The following HMMR variants were observed in gnomAD, a reference collection of about 807,000 sequenced individuals.
The protein encoded by HMMR is hyaluronan mediated motility receptor.
A neutral mutation model predicts 101.0 loss-of-function variants in HMMR; 108 were observed. That is an observed-to-expected ratio of 1.07 (90% CI 0.92 to 1.25). The LOEUF is 1.25. Among genes scored for constraint, HMMR ranks in the 50% most tolerant of loss-of-function variants. HMMR has a pLI of 0.00. For missense variants in HMMR, 813 were observed against 788.7 expected (o/e 1.03, Z -0.37); for synonymous variants, 296 against 276.4 (o/e 1.07, Z -0.70).
At chr5:163,487,101 A>G (rs1239127447) in intron 16 of HMMR, among the ~76,000 whole-genome samples, 2 of 152,360 alleles carry the variant, frequency 1.3e-5, no homozygotes, top group African/African-American at 4.8e-5. Context: ...GATGCTCTTT[A>G]TCAAGTTGAG....
Position 163,491,898 on chromosome 5 carries a change from T to C in HMMR, c.*734T>C, listed in dbSNP as rs527385022. ...TGTCTACTCAGCATTTGATTAACAT[T>C]TGTGTAATATGAAATAAAATTACAC... On this transcript the variant is annotated 3_prime_UTR_variant, in exon 18 of 18. Coordinates refer to ENST00000393915, the MANE Select transcript of HMMR (RefSeq NM_001142556.2). The C allele has an allele frequency of 2.0e-5, 3 of 152,368 alleles. No homozygotes were observed. The highest frequency in any genetic ancestry group is 7.2e-5 in the African/African-American group (3 of 41,578). The allele number at this position is 152,368 out of a possible 1,614,324, so 9.4% of individuals were successfully genotyped here.
At chr5:163,477,115 A>G (rs541450864) in intron 11 of HMMR, among the ~76,000 whole-genome samples, 3 of 152,272 alleles carry the variant, frequency 2.0e-5, no homozygotes, top group South Asian at 2.1e-4. Flanking sequence ...TCCTTCTCCC[A>G]TACACTTATT....
chr5:163,482,947 AAAG>A (rs1759323444), intron 13 of HMMR, 70 bp from the exon 14 acceptor site: 337 of 1,361,892 alleles, frequency 2.5e-4, no homozygotes, highest in Middle Eastern at 1.2e-3. Context: ...CTTGAGGTTT[AAAG>A]AAAAAAAAAG....
At chr5:163,476,962 C>T (rs1191928701) in intron 11 of HMMR, among the ~76,000 whole-genome samples, 1 of 152,036 alleles carries the variant, frequency 6.6e-6, no homozygotes, top group African/African-American at 2.4e-5. Flanking sequence ...ACCCAGGAGG[C>T]GGAGGTTGTG....
At position 163,467,560 on chromosome 5, in the gene HMMR, C is replaced by T. The variant is rs146702035; in HGVS notation, c.226-141C>T. ...TTTTATTTATCAGATGAGTGGCCTACACAATGTTTAACAGTGTAATGTTTA... is the reference window on the plus strand; with the variant it reads ...TTTTATTTATCAGATGAGTGGCCTATACAATGTTTAACAGTGTAATGTTTA... On this transcript the variant is annotated intron_variant, in intron 3 of 17. Coordinates refer to ENST00000393915, the MANE Select transcript of HMMR (RefSeq NM_001142556.2). 53 of 506,052 alleles carry T rather than the reference C, an allele frequency of 1.0e-4. No individual in the cohort carries two copies. In the East Asian group the frequency reaches 1.3e-3, roughly 12 times the overall value. 31.3% of individuals were successfully genotyped at this position (506,052 alleles called of 1,614,324 possible).
intron 16 of HMMR, among the ~76,000 whole-genome samples, chr5:163,484,497 A>G (rs1759403229): frequency 6.6e-6 from 1 of 152,180 alleles, no homozygotes. Context: ...TAAGCTTTAC[A>G]TATCTATTTC....
chr5:163,473,509 C>A lies in HMMR; in HGVS notation c.856C>A (p.Gln286Lys). Reference protein sequence around the residue: ...LEENIVILSKQVEDLNVKCQL... With the variant: ...LEENIVILSKKVEDLNVKCQL... The stretch of plus-strand genomic sequence containing the variant: ...GGAGAATATTGTTATATTATCTAAA[C>A]AAGTAGAAGATCTAAATGTGAAATG... Residue 286 changes from glutamine to lysine, a missense_variant, in exon 9 of 18, where the codon CAA becomes AAA. By Grantham distance (53) the Gln-to-Lys change is moderately conservative. Transcript: ENST00000393915. 6.3e-7 allele frequency: 1 copy of A among 1,588,734 alleles called. No homozygotes were observed. The highest frequency in any genetic ancestry group is 1.8e-5 in the Admixed American group (1 of 56,250).
Position 163,478,734 on chromosome 5 carries a change from T to A in HMMR, c.1319T>A (p.Leu440Gln). The part of the protein sequence containing the change: ...KSSAAHTQAT[L>Q]LLQEKYDSMV... ...AGTGCTGCTCATACCCAGGCCACCC[T>A]GCTTTTGCAGGAAAAGTATGACAGT... Residue 440 changes from leucine (L) to glutamine (Q), a missense_variant, in exon 12 of 18, where the codon CTG becomes CAG. Physicochemically the swap from Leu to Gln is moderately radical, Grantham distance 113. Coordinates refer to ENST00000393915, the MANE Select transcript of HMMR (RefSeq NM_001142556.2). 6.2e-7 allele frequency: 1 copy of A among 1,613,712 alleles called. No homozygotes were observed. The highest frequency in any genetic ancestry group is 8.5e-7 in the Non-Finnish European group (1 of 1,179,612).
chr5:163,486,865 G>C (rs1322940540), intron 16 of HMMR, among the ~76,000 whole-genome samples: 1 of 152,206 alleles, frequency 6.6e-6, no homozygotes, highest in African/African-American at 2.4e-5. Context: ...GATCACCTGA[G>C]GTCAGGAGTT....
At chr5:163,474,555 G>T (rs1185042363) in intron 10 of HMMR, 1 of 457,344 alleles carries the variant, frequency 2.2e-6, no homozygotes, top group South Asian at 1.6e-5. Flanking sequence ...TTAAAATCCA[G>T]ATTATTTATA....
At chr5:163,489,791 A>C (rs551077725) in intron 16 of HMMR, among the ~76,000 whole-genome samples, 10 of 152,314 alleles carry the variant, frequency 6.6e-5, no homozygotes, top group East Asian at 3.9e-4. Context: ...ACAAAATGAG[A>C]AACTCTGATG....
intron 7 of HMMR, among the ~76,000 whole-genome samples, chr5:163,472,228 G>A (rs1166653273): frequency 6.6e-6 from 1 of 151,872 alleles, no homozygotes; most frequent in Non-Finnish European, 1.5e-5. Context: ...ATGTGTGTGT[G>A]TTGCTTCTTT....
At chr5:163,465,813 G>A (rs1036940912) in intron 3 of HMMR, among the ~76,000 whole-genome samples, 16 of 151,694 alleles carry the variant, frequency 1.1e-4, no homozygotes, top group Non-Finnish European at 2.2e-4. Flanking sequence ...ATACAAAAAT[G>A]TGCTGGACGT....
At chr5:163,483,930 C>G (rs1759373152) in intron 15 of HMMR, 139 bp from the exon 16 acceptor site, 5 of 526,504 alleles carry the variant, frequency 9.5e-6, no homozygotes. Flanking sequence ...CATAGAGAAT[C>G]TATGGAGAGC....
chr5:163,477,270 A>C (rs1759098019), intron 11 of HMMR, among the ~76,000 whole-genome samples: 1 of 152,234 alleles, frequency 6.6e-6, no homozygotes, highest in South Asian at 2.1e-4. Flanking sequence ...TAAATTAAAA[A>C]GTCTGATTTG....
chr5:163,478,280 T>C (rs1018555775), intron 11 of HMMR, among the ~76,000 whole-genome samples: 1 of 152,214 alleles, frequency 6.6e-6, no homozygotes, highest in African/African-American at 2.4e-5. Context: ...CTCTGTAGTT[T>C]AAAATGAAGT....
At chr5:163,482,322 A>G (rs1487093299) in intron 12 of HMMR, among the ~76,000 whole-genome samples, 2 of 152,100 alleles carry the variant, frequency 1.3e-5, no homozygotes, top group African/African-American at 2.4e-5. Context: ...TTTCTTACTC[A>G]TTAGGCTCTA....
chr5:163,471,035 T>C, intron 5 of HMMR, 150 bp from the exon 6 acceptor site: 1 of 607,516 alleles, frequency 1.6e-6, no homozygotes, highest in African/African-American at 1.9e-5. Context: ...TCAGTAATTA[T>C]GGTGTAGGTC....
intron 11 of HMMR, among the ~76,000 whole-genome samples, chr5:163,477,501 GA>G (rs1759107724): frequency 6.6e-6 from 1 of 152,028 alleles, no homozygotes; most frequent in Non-Finnish European, 1.5e-5. Context: ...GCTTTTGGGG[GA>G]ACAATACAAA....
Sources: allele counts gnomAD v4.1 joint callset (sites outside exome capture counted in the v4.1 genomes callset), GRCh38; gene constraint gnomAD v4.1.1; transcripts MANE v1.5; gene names NCBI Gene and HGNC (gene_info 2026-07-23, HGNC 2026-07-21).